The following NECTIN1 variants were observed in gnomAD, a reference collection of about 807,000 sequenced individuals.
NECTIN1 encodes nectin-1.
A neutral mutation model predicts 48.0 loss-of-function variants in NECTIN1; 23 were observed. The ratio of observed to expected loss-of-function variants is 0.48; its 90% CI spans 0.34 to 0.68. NECTIN1 has a LOEUF of 0.68. NECTIN1 is among the 30% of genes least tolerant of loss of function. NECTIN1 has a pLI of 0.01. For missense variants in NECTIN1, 591 were observed against 709.9 expected (o/e 0.83, Z 1.90); for synonymous variants, 270 against 288.9 (o/e 0.93, Z 0.66).
intron 1 of NECTIN1, among the ~76,000 whole-genome samples, chr11:119,698,772 C>T (rs1023688785): frequency 6.6e-6 from 1 of 152,194 alleles, no homozygotes; most frequent in Non-Finnish European, 1.5e-5. Context: ...GTGCCTGACA[C>T]AGAATAATTG....
intron 1 of NECTIN1, among the ~76,000 whole-genome samples, chr11:119,719,029 T>C (rs1865785942): frequency 6.6e-6 from 1 of 152,230 alleles, no homozygotes; most frequent in Non-Finnish European, 1.5e-5. Flanking sequence ...TTAATAATTC[T>C]GTGGATGAAA....
rs573863534 is a variant in NECTIN1, at chr11:119,718,972, A to T, written c.79+9503T>A. Among the ~76,000 whole-genome samples the T allele has an allele frequency of 4.2e-4, 64 of 152,366 alleles. No individual in the cohort carries two copies. In the South Asian group the frequency reaches 0.013, roughly 32 times the overall value. ...AAACATGAAATTTCATTTCTATTTC[A>T]TATACACCTTATACACATAGGCTGA... On this transcript the variant is annotated intron_variant, in intron 1 of 5. Transcript: ENST00000264025.
chr11:119,644,087 G>T (rs1052325540), intron 5 of NECTIN1, among the ~76,000 whole-genome samples: 1 of 152,218 alleles, frequency 6.6e-6, no homozygotes, highest in Non-Finnish European at 1.5e-5. Context: ...GCCCGCACTC[G>T]GTCCTGGCTC....
At chr11:119,640,271 G>A (rs1864305177) in intron 5 of NECTIN1, 1 of 547,036 alleles carries the variant, frequency 1.8e-6, no homozygotes, top group Non-Finnish European at 3.3e-6. Context: ...GGTAGAACAA[G>A]GGTGAGGGTA....
At chr11:119,640,968 T>C (rs896922104) in intron 5 of NECTIN1, 2 of 152,232 alleles carry the variant, frequency 1.3e-5, no homozygotes, top group African/African-American at 4.8e-5. Flanking sequence ...GCAGTAAACA[T>C]CATGGAGCCA....
In NECTIN1 at chr11:119,638,122, G is replaced by A. The variant is rs76403536; in HGVS notation, c.1353C>T (p.Thr451=). ...GCTAGGGGCACTCTCCTCGAGGTTC[G>A]GTTGTCCTTACCGAGGGGTGGTAGG... Residue 451 remains threonine (T), a synonymous_variant, in exon 8 of 8, where the codon ACC becomes ACT. Transcript: ENST00000341398. 3.5e-3 allele frequency: 5,606 copies of A among 1,613,480 alleles called. 138 individuals are homozygous for A. In the East Asian group the frequency reaches 0.074, roughly 21 times the overall value.
At chr11:119,688,392 G>A (rs1412712436) in intron 1 of NECTIN1, among the ~76,000 whole-genome samples, 1 of 151,866 alleles carries the variant, frequency 6.6e-6, no homozygotes, top group African/African-American at 2.4e-5. Flanking sequence ...GCAGTGATGA[G>A]GCTACTCCCC....
chr11:119,674,498 C>T, intron 5 of NECTIN1: 1 of 1,611,524 alleles, frequency 6.2e-7, no homozygotes, highest in South Asian at 1.1e-5. Context: ...TCATACTGTC[C>T]CCGTTTTACA....
At chr11:119,707,513 T>A (rs555601169) in intron 1 of NECTIN1, among the ~76,000 whole-genome samples, 1 of 151,532 alleles carries the variant, frequency 6.6e-6, no homozygotes, top group Non-Finnish European at 1.5e-5. Context: ...TCGAACAGGG[T>A]GAACAACACC....
intron 1 of NECTIN1, among the ~76,000 whole-genome samples, chr11:119,692,094 G>A (rs1409111474): frequency 1.3e-5 from 1 of 74,444 alleles, no homozygotes; most frequent in Non-Finnish European, 2.6e-5. Context: ...TTTCGAGAGT[G>A]GGGTCTTTCC....
At chr11:119,652,770 T>C (rs1021972044) in intron 5 of NECTIN1, among the ~76,000 whole-genome samples, 12 of 152,244 alleles carry the variant, frequency 7.9e-5, no homozygotes, top group African/African-American at 2.6e-4. Flanking sequence ...GAACACTGAT[T>C]GTATCTACTA....
intron 1 of NECTIN1, among the ~76,000 whole-genome samples, chr11:119,706,681 G>A (rs10892435): frequency 2.0e-5 from 3 of 152,188 alleles, no homozygotes; most frequent in Admixed American, 2.0e-4. Flanking sequence ...CAGCACAAAA[G>A]AGGGCAGGGG....
chr11:119,719,880 G>A (rs1865799371), intron 1 of NECTIN1, among the ~76,000 whole-genome samples: 1 of 152,194 alleles, frequency 6.6e-6, no homozygotes. Flanking sequence ...TAGCTTGCGG[G>A]GGGAGCGGGT....
intron 1 of NECTIN1, among the ~76,000 whole-genome samples, chr11:119,710,862 C>A (rs1020260491): frequency 6.6e-6 from 1 of 152,102 alleles, no homozygotes; most frequent in Non-Finnish European, 1.5e-5. Context: ...CACACAGCGC[C>A]CGCCTGTCAA....
In NECTIN1 at chr11:119,665,322, G is replaced by T; in HGVS notation, c.1004-25C>A. 2.6e-6 allele frequency: 4 copies of T among 1,567,144 alleles called. No homozygotes were observed. The highest frequency in any genetic ancestry group is 3.4e-6 in the Non-Finnish European group (4 of 1,161,686). On this transcript the variant is annotated intron_variant, in intron 5 of 5. Coordinates refer to ENST00000264025, the MANE Select transcript of NECTIN1 (RefSeq NM_002855.5). This position sits in a 1 kb window ranked among gnomAD's most constrained non-coding sequence, Gnocchi z 5.1. ...TCTGGGTGAGGAAAAGAGATGGAGG[G>T]GACAGCATCAGCGTGTGCTCCTGGG...
chr11:119,665,167 C>T lies in NECTIN1; in HGVS notation c.1134G>A (p.Leu378=). Residue 378 remains leucine (L), a synonymous_variant, in exon 6 of 6, where the codon CTG becomes CTA. Transcript: ENST00000264025. This position sits in a 1 kb window ranked among gnomAD's most constrained non-coding sequence, Gnocchi z 5.1. ...LIVVGGIVVA[L]RRRRHTFKGD... is the part of the protein sequence containing the mutation. ...CCTTGAAGGTGTGCCGGCGCCGACG[C>T]AGGGCGACCACGATCCCGCCGACCA... 6.2e-7 allele frequency: 1 copy of T among 1,612,304 alleles called. No individual in the cohort carries two copies. The highest frequency in any genetic ancestry group is 8.5e-7 in the Non-Finnish European group (1 of 1,179,954).
intron 5 of NECTIN1, among the ~76,000 whole-genome samples, chr11:119,650,927 G>A (rs567915550): frequency 4.3e-4 from 66 of 152,242 alleles, no homozygotes; most frequent in African/African-American, 1.4e-3. Context: ...TCATATAAAT[G>A]TAAAGAATTC....
In NECTIN1 at chr11:119,673,030, A is replaced by G. The variant is rs1864885576; in HGVS notation, c.1003+2129T>C. On this transcript the variant is annotated intron_variant, in intron 5 of 5. Transcript: ENST00000264025. The surrounding 1 kb of genome is among the most constrained non-coding windows in gnomAD (Gnocchi z 5.8). ...AGTTATTACCCGAACGAATGCCCAG[A>G]ATGAAAAATTAAATTTCCACTTATC... Among the ~76,000 whole-genome samples the G allele has an allele frequency of 6.6e-6, 1 of 152,192 alleles. No individual in the cohort carries two copies. The highest frequency in any genetic ancestry group is 2.4e-5 in the African/African-American group (1 of 41,450).
At chr11:119,686,535 G>T (rs1238634160) in intron 1 of NECTIN1, among the ~76,000 whole-genome samples, 2 of 152,118 alleles carry the variant, frequency 1.3e-5, no homozygotes, top group Admixed American at 1.3e-4. Flanking sequence ...ACCCTCCCAT[G>T]GTATCCTGCA....
Sources: allele counts gnomAD v4.1 joint callset (sites outside exome capture counted in the v4.1 genomes callset), GRCh38; gene constraint gnomAD v4.1.1; non-coding constraint Gnocchi (gnomAD v3.1); transcripts MANE v1.5; gene names NCBI Gene and HGNC (gene_info 2026-07-23, HGNC 2026-07-21).